NRXN3: variants seen among roughly 807,000 people sequenced by gnomAD.
NRXN3 encodes the protein neurexin 3.
In NRXN3, 32 loss-of-function variants were observed where a neutral mutation model predicts 137.6. That is an observed-to-expected ratio of 0.23 (90% CI 0.18 to 0.31). NRXN3 has a LOEUF of 0.31. Among genes scored for constraint, NRXN3 ranks in the 10% least tolerant of loss-of-function variants. The pLI, the probability that NRXN3 is intolerant of heterozygous loss-of-function variation, is 1.00. For synonymous variants in NRXN3, 798 were observed against 784.5 expected, an observed-to-expected ratio of 1.02 and a Z score of -0.29; for missense variants, 1,574 against 2,062.5, an observed-to-expected ratio of 0.76 and a Z score of 4.59.
At chr14:79,283,409 C>G (rs901044066) in intron 15 of NRXN3, among the ~76,000 whole-genome samples, 4 of 152,142 alleles carry the variant, frequency 2.6e-5, no homozygotes, top group African/African-American at 9.7e-5. Context: ...CCCCCTTTCT[C>G]TACTATCCAG....
intron 15 of NRXN3, among the ~76,000 whole-genome samples, chr14:79,276,008 C>T (rs2080232003): frequency 6.6e-6 from 1 of 152,062 alleles, no homozygotes; most frequent in Non-Finnish European, 1.5e-5. Context: ...TCATTTTCAT[C>T]CTGTAGCTAT....
chr14:78,333,869 A>T (rs1281071505), intron 4 of NRXN3, among the ~76,000 whole-genome samples: 1 of 152,104 alleles, frequency 6.6e-6, no homozygotes, highest in African/African-American at 2.4e-5. Flanking sequence ...CAGCAGGGCC[A>T]TTTGGGAGGC....
At chr14:79,591,750 G>C (rs1274764986) in intron 16 of NRXN3, among the ~76,000 whole-genome samples, 1 of 151,902 alleles carries the variant, frequency 6.6e-6, no homozygotes. Context: ...GTAATAGTAG[G>C]GTTTCCATTT....
At chr14:78,328,988 C>A (rs2080454253) in intron 4 of NRXN3, among the ~76,000 whole-genome samples, 1 of 152,116 alleles carries the variant, frequency 6.6e-6, no homozygotes, top group Admixed American at 6.6e-5. Context: ...AAAACCAGAT[C>A]TTTTTGTGTT....
At chr14:79,142,140 G>A (rs1043413840) in intron 15 of NRXN3, among the ~76,000 whole-genome samples, 2 of 152,136 alleles carry the variant, frequency 1.3e-5, no homozygotes, top group South Asian at 4.1e-4. Context: ...ATTGAAAAGG[G>A]CAGACAGGCC....
At chr14:79,010,762 T>G (rs1226004133) in intron 15 of NRXN3, among the ~76,000 whole-genome samples, 1 of 152,194 alleles carries the variant, frequency 6.6e-6, no homozygotes, top group Admixed American at 6.5e-5. Context: ...TAGATATTAT[T>G]GCCCCTTTAA....
intron 8 of NRXN3, among the ~76,000 whole-genome samples, chr14:78,802,249 A>G (rs1225259924): frequency 3.9e-5 from 6 of 152,288 alleles, no homozygotes; most frequent in Non-Finnish European, 7.4e-5. Context: ...ATGCTGTGTG[A>G]CTTTGGGATG....
At chr14:79,328,553 T>C (rs1245376616) in intron 15 of NRXN3, among the ~76,000 whole-genome samples, 1 of 152,226 alleles carries the variant, frequency 6.6e-6, no homozygotes, top group African/African-American at 2.4e-5. Flanking sequence ...TAAAGCTCTT[T>C]TTCCTTTTTC....
At chr14:78,898,554 C>CGTGT (rs66861661) in intron 10 of NRXN3, among the ~76,000 whole-genome samples, 6,725 of 136,258 alleles carry the variant, frequency 0.049, 253 homozygotes, top group Admixed American at 0.08. Context: ...AGCTGGGTTT[C>CGTGT]GTGTGTGTGT....
Position 78,298,140 on chromosome 14 carries a change from T to C in NRXN3, c.757+280T>C, listed in dbSNP as rs1378299211. On this transcript the variant is annotated intron_variant, in intron 4 of 20. Coordinates refer to ENST00000335750, the MANE Select transcript of NRXN3 (RefSeq NM_001330195.2). ...CTGGGCTGCATCCGAGAGGGAAGCA[T>C]GAAACCAGGCATGACGGTGTCGATA... Among the ~76,000 whole-genome samples, 4 of 152,362 alleles carry C rather than the reference T, an allele frequency of 2.6e-5. No homozygotes were observed. The South Asian group carries it at 8.3e-4, about 32-fold the overall frequency.
chr14:79,221,659 A>G (rs1335906687), intron 15 of NRXN3, among the ~76,000 whole-genome samples: 2 of 151,990 alleles, frequency 1.3e-5, no homozygotes, highest in African/African-American at 4.8e-5. Flanking sequence ...TTAGCCCTTT[A>G]TCAGATGGAT....
At chr14:79,544,479 G>A (rs1170644117) in intron 16 of NRXN3, among the ~76,000 whole-genome samples, 1 of 152,134 alleles carries the variant, frequency 6.6e-6, no homozygotes, top group African/African-American at 2.4e-5. Context: ...AAAGCAGCAT[G>A]ATGGCCATGT....
At chr14:79,107,740 A>C (rs1352425162) in intron 15 of NRXN3, among the ~76,000 whole-genome samples, 1 of 152,096 alleles carries the variant, frequency 6.6e-6, no homozygotes, top group African/African-American at 2.4e-5. Flanking sequence ...GAGGGCATCT[A>C]CTTTCTTTTT....
At chr14:79,580,004 A>C (rs2153809327) in intron 16 of NRXN3, among the ~76,000 whole-genome samples, 1 of 152,270 alleles carries the variant, frequency 6.6e-6, no homozygotes, top group East Asian at 1.9e-4. Context: ...TTCATGAGAT[A>C]AACATTTTTA....
intron 4 of NRXN3, among the ~76,000 whole-genome samples, chr14:78,640,316 C>G (rs2097610486): frequency 6.6e-6 from 1 of 152,154 alleles, no homozygotes; most frequent in Non-Finnish European, 1.5e-5. Flanking sequence ...CTTAAAAATA[C>G]AGGTTGAATC....
At chr14:78,201,037 A>G (rs1350965189) in intron 1 of NRXN3, among the ~76,000 whole-genome samples, 1 of 152,152 alleles carries the variant, frequency 6.6e-6, no homozygotes, top group Non-Finnish European at 1.5e-5. Context: ...GTGACACTCC[A>G]TGGTTCTCAG....
intron 15 of NRXN3, among the ~76,000 whole-genome samples, chr14:79,299,541 G>A (rs1470182638): frequency 2.0e-5 from 3 of 152,090 alleles, no homozygotes; most frequent in Admixed American, 1.3e-4. Context: ...CACCTAGTCT[G>A]CAGACCCCTG....
At chr14:79,051,471 G>C (rs2099641781) in intron 15 of NRXN3, among the ~76,000 whole-genome samples, 1 of 152,222 alleles carries the variant, frequency 6.6e-6, no homozygotes, top group Non-Finnish European at 1.5e-5. Flanking sequence ...TGGCTCCAGG[G>C]ACTGCGGCAA....
At chr14:79,740,837 T>C (rs989170485) in intron 19 of NRXN3, among the ~76,000 whole-genome samples, 3 of 144,588 alleles carry the variant, frequency 2.1e-5, no homozygotes, top group African/African-American at 7.6e-5. Context: ...CAACACTAGA[T>C]TGCAAATTTC....
Sources: gnomAD v4.1 joint callset for allele counts (sites outside exome capture counted in the v4.1 genomes callset) on GRCh38, gnomAD v4.1.1 for gene constraint, MANE v1.5 for transcripts, NCBI Gene and HGNC (gene_info 2026-07-23, HGNC 2026-07-21) for gene names.